EDNRB: variants seen among roughly 807,000 people sequenced by gnomAD.
EDNRB encodes the protein endothelin receptor type B.
In EDNRB, 18 loss-of-function variants were observed where a neutral mutation model predicts 46.4. The ratio of observed to expected loss-of-function variants is 0.39; its 90% CI spans 0.27 to 0.57. EDNRB has a LOEUF of 0.57. Among genes scored for constraint, EDNRB ranks in the 20% least tolerant of loss-of-function variants. The pLI is 0.61. For synonymous variants in EDNRB, 213 were observed against 204.9 expected, an observed-to-expected ratio of 1.04 and a Z score of -0.34; for missense variants, 434 against 537.5, an observed-to-expected ratio of 0.81 and a Z score of 1.90.
chr13:77,964,824 C>G (rs1881535577), intron 1 of EDNRB, among the ~76,000 whole-genome samples: 1 of 151,660 alleles, frequency 6.6e-6, no homozygotes, highest in African/African-American at 2.4e-5. Flanking sequence ...AAAAAGTCAG[C>G]AGATTTGCTA....
chr13:77,936,047 T>C (rs1880552625), intron 1 of EDNRB, among the ~76,000 whole-genome samples: 1 of 152,140 alleles, frequency 6.6e-6, no homozygotes, highest in Non-Finnish European at 1.5e-5. Context: ...TTTCATCCTT[T>C]TAAAGCATGC....
Position 77,899,963 on chromosome 13 carries a change from G to C in EDNRB, c.1090C>G (p.Leu364Val), listed in dbSNP as rs180686892. 34 of 1,611,208 alleles carry C rather than the reference G, an allele frequency of 2.1e-5. No individual in the cohort carries two copies. In the Admixed American group the frequency reaches 5.5e-4, roughly 26 times the overall value. ...DPNRCELLSF[L>V]LVLDYIGINM... ...ATACCAATATAGTCCAATACCAACA[G>C]AAAGCTGCAACAAAATAACCCAAAA... Residue 364 changes from leucine (L) to valine (V), a missense_variant, in exon 6 of 7, where the codon CTG (leucine) becomes GTG (valine). Coordinates refer to ENST00000646607, the MANE Select transcript of EDNRB (RefSeq NM_001122659.3).
chr13:77,918,792 G>T lies in EDNRB; in HGVS notation c.-219C>A. The T allele has an allele frequency of 7.6e-7, 1 of 1,321,740 alleles. No homozygotes were observed. The highest frequency in any genetic ancestry group is 9.6e-7 in the Non-Finnish European group (1 of 1,041,268). The allele number at this position is 1,321,740 out of a possible 1,614,324, so 81.9% of individuals were successfully genotyped here. A position where few individuals can be genotyped will look rare whatever the true frequency, so the allele number is the denominator to read the frequency against. ...TGGCGCTCATGACTCGCCAGCGCGG[G>T]TCGAAACTCCTTCCTGATGCCCTCT... On this transcript the variant is annotated 5_prime_UTR_variant, in exon 1 of 7. Coordinates refer to ENST00000646607, the MANE Select transcript of EDNRB (RefSeq NM_001122659.3). This position sits in a 1 kb window ranked among gnomAD's most constrained non-coding sequence, Gnocchi z 4.5.
chr13:77,912,697 T>G (rs1879631803), intron 1 of EDNRB, among the ~76,000 whole-genome samples: 1 of 152,248 alleles, frequency 6.6e-6, no homozygotes, highest in Admixed American at 6.5e-5. Context: ...AAGCCTGGCT[T>G]TTAATTAACA....
At chr13:77,970,299 G>A (rs568500301) in intron 1 of EDNRB, among the ~76,000 whole-genome samples, 25 of 152,254 alleles carry the variant, frequency 1.6e-4, no homozygotes, top group Non-Finnish European at 2.9e-4. Flanking sequence ...TATTTTCTGA[G>A]TCAAAGGGAA....
chr13:77,932,307 A>T (rs2137655331), intron 1 of EDNRB, among the ~76,000 whole-genome samples: 1 of 152,304 alleles, frequency 6.6e-6, no homozygotes, highest in African/African-American at 2.4e-5. Flanking sequence ...AATTTATCAG[A>T]ACATATCTAT....
At chr13:77,958,199 T>C (rs1251712058) in intron 1 of EDNRB, among the ~76,000 whole-genome samples, 2 of 152,148 alleles carry the variant, frequency 1.3e-5, no homozygotes, top group South Asian at 2.1e-4. Flanking sequence ...TATCTGGAAA[T>C]AGAGAACAGG....
intron 1 of EDNRB, among the ~76,000 whole-genome samples, chr13:77,949,056 T>C (rs1323611706): frequency 6.6e-6 from 1 of 152,228 alleles, no homozygotes; most frequent in Non-Finnish European, 1.5e-5. Flanking sequence ...TGATCACTGA[T>C]TTTTAAAATT....
intron 1 of EDNRB, among the ~76,000 whole-genome samples, chr13:77,965,721 C>G (rs1881561613): frequency 6.6e-6 from 1 of 152,066 alleles, no homozygotes; most frequent in Admixed American, 6.6e-5. Context: ...GTTGAAAATA[C>G]TGGGCCTGAA....
intron 1 of EDNRB, among the ~76,000 whole-genome samples, chr13:77,974,551 C>T (rs991508347): frequency 5.9e-5 from 9 of 152,196 alleles, no homozygotes; most frequent in Admixed American, 5.9e-4. Flanking sequence ...ATAGGGTACA[C>T]TTTTTTTCTT....
intron 1 of EDNRB, among the ~76,000 whole-genome samples, chr13:77,909,365 C>G (rs191876802): frequency 1.3e-5 from 2 of 151,964 alleles, no homozygotes; most frequent in East Asian, 3.9e-4. Context: ...TGAAGTGAAT[C>G]CTACAAAATC....
chr13:77,918,505 C>T lies in EDNRB; in HGVS notation c.69G>A (p.Arg23=). 11 of 1,575,230 alleles carry T rather than the reference C, an allele frequency of 7.0e-6. No individual in the cohort carries two copies. Among genetic ancestry groups the T allele is most frequent in the Non-Finnish European group, 9.4e-6 (11 of 1,165,522 alleles). ...GGAAGCCTCTCTCCTCTCCCCAGAT[C>T]CGCGACAGGCCGCAGGCAAGAACCA... ...VALVLACGLS[R]IWGEERGFPP... The change falls in exon 1 of 7, where the codon CGG becomes CGA. Residue 23 remains arginine, a synonymous_variant. Transcript: ENST00000646607. The surrounding 1 kb of genome is among the most constrained non-coding windows in gnomAD (Gnocchi z 4.5).
intron 1 of EDNRB, among the ~76,000 whole-genome samples, chr13:77,908,129 T>C (rs148925967): frequency 0.015 from 2,191 of 150,092 alleles, 45 homozygotes; most frequent in East Asian, 0.028. Context: ...TGGAAGGCCA[T>C]AGAAGATGTG....
At chr13:77,936,515 C>A (rs1465701994) in intron 1 of EDNRB, among the ~76,000 whole-genome samples, 1 of 152,130 alleles carries the variant, frequency 6.6e-6, no homozygotes, top group Non-Finnish European at 1.5e-5. Context: ...GACTTATCTT[C>A]CACTGTGAGA....
intron 1 of EDNRB, among the ~76,000 whole-genome samples, chr13:77,957,216 A>G (rs1881265858): frequency 6.6e-6 from 1 of 152,134 alleles, no homozygotes; most frequent in Admixed American, 6.5e-5. Flanking sequence ...TTTTCTTAGA[A>G]CTCCATTTTA....
At chr13:77,915,302 G>A (rs1045651419) in intron 1 of EDNRB, among the ~76,000 whole-genome samples, 4 of 152,148 alleles carry the variant, frequency 2.6e-5, no homozygotes, top group Admixed American at 6.5e-5. Flanking sequence ...TCAAGAGACC[G>A]AAATCCTGAC....
At chr13:77,919,415 C>A (rs1879994883), upstream of EDNRB, 3 of 1,612,222 alleles carry the variant, frequency 1.9e-6, no homozygotes, top group African/African-American at 1.3e-5. Context: ...TCTGACAAAC[C>A]AGATGCAGAG....
chr13:77,920,857 T>C (rs975561731), upstream of EDNRB, among the ~76,000 whole-genome samples: 1 of 152,244 alleles, frequency 6.6e-6, no homozygotes. Context: ...TTTTGCTTAG[T>C]TGACTCCACC....
At chr13:77,936,991 G>A (rs896209750) in intron 1 of EDNRB, among the ~76,000 whole-genome samples, 8 of 152,176 alleles carry the variant, frequency 5.3e-5, no homozygotes, top group African/African-American at 1.7e-4. Context: ...ATTAATTCCT[G>A]TTGTGGGGTT....
Sources: allele counts gnomAD v4.1 joint callset (sites outside exome capture counted in the v4.1 genomes callset), GRCh38; gene constraint gnomAD v4.1.1; non-coding constraint Gnocchi (gnomAD v3.1); transcripts MANE v1.5; gene names NCBI Gene and HGNC (gene_info 2026-07-23, HGNC 2026-07-21).